The following STIM2 variants were observed in gnomAD, a reference collection of about 807,000 sequenced individuals.
STIM2 encodes stromal interaction molecule 2.
Under a neutral mutation model 85.8 loss-of-function variants are expected in STIM2, and 31 were observed. The observed-to-expected ratio is 0.36, with a 90% CI of 0.27 to 0.49. The LOEUF (loss-of-function observed/expected upper bound fraction) is 0.49. Among genes scored for constraint, STIM2 ranks in the 20% least tolerant of loss-of-function variants. The pLI is 0.98. For missense variants in STIM2, 841 were observed against 927.6 expected, an observed-to-expected ratio of 0.91 and a Z score of 1.21; for synonymous variants, 356 against 331.1, an observed-to-expected ratio of 1.08 and a Z score of -0.82.
At chr4:26,993,028 G>A (rs1410640557) in intron 3 of STIM2, among the ~76,000 whole-genome samples, 1 of 152,070 alleles carries the variant, frequency 6.6e-6, no homozygotes, top group Non-Finnish European at 1.5e-5. Context: ...TGACTTTGAT[G>A]TGCTGAAGTG....
intron 1 of STIM2, among the ~76,000 whole-genome samples, chr4:26,887,990 A>G (rs753372449): frequency 6.6e-5 from 10 of 152,222 alleles, no homozygotes; most frequent in Non-Finnish European, 1.0e-4. Context: ...GTGGGGCAGA[A>G]TATTTCTTTC....
chr4:27,008,757 T>C lies in STIM2; in HGVS notation c.1251-7T>C. ...GCAGTAAGTAATTTCTTTATTGGCTTTTCCAGGAAAGCTCTCTCTGAGTTG... is the reference window on the plus strand; with the variant it reads ...GCAGTAAGTAATTTCTTTATTGGCTCTTCCAGGAAAGCTCTCTCTGAGTTG... On this transcript the variant is annotated splice_polypyrimidine_tract_variant and splice_region_variant and intron_variant, in intron 9 of 11. Transcript: ENST00000467087. 6.2e-7 allele frequency: 1 copy of C among 1,613,958 alleles called. No homozygotes were observed. The highest frequency in any genetic ancestry group is 8.5e-7 in the Non-Finnish European group (1 of 1,179,908).
intron 1 of STIM2, among the ~76,000 whole-genome samples, chr4:26,908,245 AT>A (rs1409085128): frequency 1.3e-5 from 2 of 152,254 alleles, no homozygotes; most frequent in East Asian, 3.9e-4. Context: ...TCTTTTGGGT[AT>A]TTTGAAAACT....
rs115658452 is a variant in STIM2, at chr4:26,861,452, G to C, written c.151+83G>C. On this transcript the variant is annotated intron_variant, in intron 1 of 11. Transcript: ENST00000467087. ...CGTGCAGAGGTCAGCATCTCCGCCG[G>C]ACGTCCGCTATTCCGCGGCTCCGGC... is the stretch of plus-strand genomic sequence containing the variant. The C allele has an allele frequency of 1.7e-3, 2,060 of 1,237,650 alleles. 38 individuals carry two copies. In the African/African-American group the frequency reaches 0.028, roughly 17 times the overall value. 76.7% of individuals were successfully genotyped at this position (1,237,650 alleles called of 1,614,324 possible). A position where few individuals can be genotyped will look rare whatever the true frequency, so the allele number is the denominator to read the frequency against.
chr4:27,018,067 T>A, intron 11 of STIM2, 83 bp downstream of exon 11: 2 of 1,554,098 alleles, frequency 1.3e-6, no homozygotes, highest in Non-Finnish European at 1.7e-6. Flanking sequence ...GAGTGGTGCA[T>A]GTTTCCATTT....
intron 1 of STIM2, among the ~76,000 whole-genome samples, chr4:26,887,467 C>T (rs1220395474): frequency 1.3e-5 from 2 of 152,106 alleles, no homozygotes; most frequent in Non-Finnish European, 2.9e-5. Flanking sequence ...TCATTAGCTC[C>T]TCAGATACTT....
At chr4:26,875,838 A>G (rs1339835055) in intron 1 of STIM2, among the ~76,000 whole-genome samples, 1 of 152,180 alleles carries the variant, frequency 6.6e-6, no homozygotes, top group Non-Finnish European at 1.5e-5. Context: ...GCCCTTACTA[A>G]TATTTATATT....
At chr4:26,887,576 G>T (rs866517160) in intron 1 of STIM2, among the ~76,000 whole-genome samples, 1 of 152,076 alleles carries the variant, frequency 6.6e-6, no homozygotes, top group Non-Finnish European at 1.5e-5. Context: ...AAATCTTTCA[G>T]TACTTTCTTT....
At chr4:26,981,213 C>CT (rs1353097071) in intron 3 of STIM2, among the ~76,000 whole-genome samples, 2 of 152,140 alleles carry the variant, frequency 1.3e-5, no homozygotes. Flanking sequence ...TTTGTGAAAT[C>CT]TCGCTAATAA....
chr4:26,929,060 T>G (rs1050315734), intron 2 of STIM2, among the ~76,000 whole-genome samples: 35 of 152,172 alleles, frequency 2.3e-4, no homozygotes, highest in African/African-American at 8.2e-4. Context: ...CTATAAAGTA[T>G]AAAACACACT....
chr4:26,879,306 A>AATCTAATGGTT (rs1722919313), intron 1 of STIM2, among the ~76,000 whole-genome samples: 1 of 152,016 alleles, frequency 6.6e-6, no homozygotes, highest in Non-Finnish European at 1.5e-5. Context: ...TTGATTTCAC[A>AATCTAATGGTT]ATCTAATGGT....
chr4:26,981,577 A>T (rs1305665751), intron 3 of STIM2, among the ~76,000 whole-genome samples: 1 of 152,122 alleles, frequency 6.6e-6, no homozygotes, highest in African/African-American at 2.4e-5. Flanking sequence ...CAGTGCCACC[A>T]TTTGCCCTAA....
At chr4:27,021,783 CATA>C in intron 11 of STIM2, among the ~76,000 whole-genome samples, 1 of 152,082 alleles carries the variant, frequency 6.6e-6, no homozygotes, top group Admixed American at 6.5e-5. Context: ...GAGCAGGGGA[CATA>C]ATAAGGAATG....
At chr4:26,873,822 G>A (rs1383916659) in intron 1 of STIM2, 28 of 906,076 alleles carry the variant, frequency 3.1e-5, no homozygotes, top group Middle Eastern at 2.3e-4. Context: ...GCAGACTCCC[G>A]CCTCAACCGC....
At chr4:27,009,106 G>T in intron 10 of STIM2, 104 bp downstream of exon 10, 18 of 936,062 alleles carry the variant, frequency 1.9e-5, no homozygotes, top group South Asian at 1.7e-4. Context: ...GAAAAAATTG[G>T]GTTTATCCTT....
chr4:26,934,913 CA>C (rs1160656482), intron 2 of STIM2, among the ~76,000 whole-genome samples: 15,220 of 58,108 alleles, frequency 0.26, 295 homozygotes, highest in Middle Eastern at 0.36. Flanking sequence ...AACTCCATCT[CA>C]AAAAAAAAAA....
chr4:26,907,315 G>T (rs980615353), intron 1 of STIM2, among the ~76,000 whole-genome samples: 6 of 152,106 alleles, frequency 3.9e-5, no homozygotes, highest in Non-Finnish European at 7.4e-5. Flanking sequence ...AAAACATTAT[G>T]TGAAAAAGGA....
chr4:26,917,619 T>C (rs935239107), intron 1 of STIM2, among the ~76,000 whole-genome samples: 4 of 152,184 alleles, frequency 2.6e-5, no homozygotes, highest in African/African-American at 7.2e-5. Context: ...TTTCAAGTCA[T>C]GTTGCTCCTA....
chr4:26,945,131 G>T (rs991422761), intron 2 of STIM2, among the ~76,000 whole-genome samples: 1 of 152,114 alleles, frequency 6.6e-6, no homozygotes, highest in Non-Finnish European at 1.5e-5. Context: ...AGTGTGTGTT[G>T]TTCCCCTCCA....
Sources: gnomAD v4.1 joint callset for allele counts (sites outside exome capture counted in the v4.1 genomes callset) on GRCh38, gnomAD v4.1.1 for gene constraint, MANE v1.5 for transcripts, NCBI Gene and HGNC (gene_info 2026-07-23, HGNC 2026-07-21) for gene names.